Variants in CNTN3 observed in about 807,000 individuals in gnomAD.
The protein encoded by CNTN3 is contactin-3.
CNTN3 carries 60 observed loss-of-function variants against 119.1 expected under a neutral mutation model. That is an observed-to-expected ratio of 0.50 (90% CI 0.41 to 0.62). CNTN3 has a LOEUF of 0.62. CNTN3 is among the 20% of genes least tolerant of loss of function. CNTN3 has a pLI of 0.00. For missense variants in CNTN3, 1,101 were observed against 1,242.4 expected (o/e 0.89, Z 1.71); for synonymous variants, 450 against 438.7 (o/e 1.03, Z -0.32).
chr3:74,487,286 T>A (rs1384795751), intron 3 of CNTN3, among the ~76,000 whole-genome samples: 2 of 152,116 alleles, frequency 1.3e-5, no homozygotes, highest in African/African-American at 4.8e-5. Flanking sequence ...GGTTTTTAAA[T>A]AAGAGGTTTT....
chr3:74,471,026 G>GCCA (rs1344828649), intron 4 of CNTN3, among the ~76,000 whole-genome samples: 4 of 151,978 alleles, frequency 2.6e-5, no homozygotes, highest in African/African-American at 4.8e-5. Flanking sequence ...ACAGGCACGT[G>GCCA]CCACCACGCC....
intron 5 of CNTN3, among the ~76,000 whole-genome samples, chr3:74,400,746 C>T (rs13077726): frequency 0.37 from 56,844 of 151,950 alleles, 11,358 homozygotes; most frequent in East Asian, 0.64. Context: ...AAGCTCTGGG[C>T]ATTCAGCTTT....
intron 14 of CNTN3, 140 bp from the exon 15 acceptor site, chr3:74,301,945 T>C: frequency 1.2e-6 from 1 of 801,288 alleles, no homozygotes; most frequent in South Asian, 1.8e-5. Flanking sequence ...GAAAAGGCCA[T>C]TTACCTGGTA....
At chr3:74,292,866 C>A (rs536218037) in intron 19 of CNTN3, among the ~76,000 whole-genome samples, 1 of 152,328 alleles carries the variant, frequency 6.6e-6, no homozygotes, top group African/African-American at 2.4e-5. Flanking sequence ...GTTCTTTAAC[C>A]ACAAGGGAGC....
At chr3:74,374,495 T>A (rs1704425693) in intron 5 of CNTN3, among the ~76,000 whole-genome samples, 1 of 152,030 alleles carries the variant, frequency 6.6e-6, no homozygotes, top group African/African-American at 2.4e-5. Flanking sequence ...TAACTGTCCC[T>A]CTCCCCAGTT....
rs539213483 is a variant in CNTN3, at chr3:74,532,240, G to T, written c.-80-11048C>A. ...TTCAATAAGTGAGAATGAGAGAGAT[G>T]GGATCATGGCTAGAAATGGGTAGAG... On this transcript the variant is annotated intron_variant, in intron 1 of 22. Transcript: ENST00000263665. Among the ~76,000 whole-genome samples the T allele has an allele frequency of 6.3e-4, 96 of 151,442 alleles. 3 individuals are homozygous for T. The highest frequency in any genetic ancestry group is 2.1e-4 in the South Asian group (1 of 4,788).
At chr3:74,405,055 T>C (rs1403890922) in intron 5 of CNTN3, among the ~76,000 whole-genome samples, 1 of 152,082 alleles carries the variant, frequency 6.6e-6, no homozygotes, top group Non-Finnish European at 1.5e-5. Context: ...ACATTTTCTA[T>C]CATTATGTCT....
chr3:74,582,093 T>C (rs1704518223), intron 1 of CNTN3, among the ~76,000 whole-genome samples: 1 of 152,042 alleles, frequency 6.6e-6, no homozygotes, highest in African/African-American at 2.4e-5. Context: ...TTCTCCCAAA[T>C]TAAACATTTC....
chr3:74,354,783 A>G (rs1379008861), intron 11 of CNTN3, among the ~76,000 whole-genome samples: 3 of 152,122 alleles, frequency 2.0e-5, no homozygotes. Context: ...AGTAATTATG[A>G]CGTTTAGAAT....
chr3:74,302,315 T>G (rs1702477027), intron 14 of CNTN3, among the ~76,000 whole-genome samples: 1 of 152,220 alleles, frequency 6.6e-6, no homozygotes, highest in East Asian at 1.9e-4. Flanking sequence ...CCTGATACTT[T>G]TTTTGTATTT....
At chr3:74,525,053 C>T (rs1295474846) in intron 1 of CNTN3, among the ~76,000 whole-genome samples, 1 of 151,588 alleles carries the variant, frequency 6.6e-6, no homozygotes, top group Non-Finnish European at 1.5e-5. Flanking sequence ...AGGTTAACTG[C>T]AAGTTTAATC....
chr3:74,496,826 T>C (rs913347686), intron 3 of CNTN3, among the ~76,000 whole-genome samples: 8 of 152,056 alleles, frequency 5.3e-5, no homozygotes, highest in African/African-American at 1.9e-4. Flanking sequence ...AATTAAACCC[T>C]AAGACGAGTA....
chr3:74,436,126 G>A (rs570089169), intron 4 of CNTN3, among the ~76,000 whole-genome samples: 1 of 152,208 alleles, frequency 6.6e-6, no homozygotes, highest in Non-Finnish European at 1.5e-5. Flanking sequence ...ATTTGGACAA[G>A]CGAGCGTACT....
chr3:74,329,499 G>C (rs1288837003), intron 13 of CNTN3, among the ~76,000 whole-genome samples: 1 of 152,168 alleles, frequency 6.6e-6, no homozygotes, highest in African/African-American at 2.4e-5. Context: ...GGGTGAACTA[G>C]TGTGTTTACG....
At chr3:74,303,342 G>A (rs1256933102) in intron 13 of CNTN3, among the ~76,000 whole-genome samples, 2 of 152,148 alleles carry the variant, frequency 1.3e-5, no homozygotes, top group African/African-American at 4.8e-5. Flanking sequence ...GTTAGGGACA[G>A]TAAGCATGAA....
At chr3:74,468,968 G>A (rs1252504298) in intron 4 of CNTN3, among the ~76,000 whole-genome samples, 7 of 152,014 alleles carry the variant, frequency 4.6e-5, no homozygotes. Context: ...ATATTCTAAA[G>A]GCCATTGTTA....
At chr3:74,596,681 T>C (rs1227517287) in intron 1 of CNTN3, among the ~76,000 whole-genome samples, 3 of 151,944 alleles carry the variant, frequency 2.0e-5, no homozygotes, top group East Asian at 1.9e-4. Context: ...ATTTCTTATT[T>C]CAAAAAAGGA....
intron 1 of CNTN3, among the ~76,000 whole-genome samples, chr3:74,568,341 G>A (rs1451558888): frequency 1.3e-5 from 2 of 152,142 alleles, no homozygotes; most frequent in African/African-American, 2.4e-5. Flanking sequence ...TCACTAGTTC[G>A]TCCAAGTGGA....
chr3:74,602,108 G>A (rs1180313482), intron 1 of CNTN3, among the ~76,000 whole-genome samples: 1 of 151,536 alleles, frequency 6.6e-6, no homozygotes, highest in Non-Finnish European at 1.5e-5. Context: ...CCCAGAGTTC[G>A]AGACCAGCCT....
Sources: gnomAD v4.1 joint callset for allele counts (sites outside exome capture counted in the v4.1 genomes callset) on GRCh38, gnomAD v4.1.1 for gene constraint, MANE v1.5 for transcripts, NCBI Gene and HGNC (gene_info 2026-07-23, HGNC 2026-07-21) for gene names.